Variants in MCCC1 observed in about 807,000 individuals in gnomAD.
MCCC1 encodes the protein methylcrotonoyl-CoA carboxylase subunit alpha, mitochondrial.
MCCC1 carries 64 observed loss-of-function variants against 83.8 expected under a neutral mutation model. That is an observed-to-expected ratio of 0.76 (90% CI 0.62 to 0.94). MCCC1 has a LOEUF of 0.94. Among genes scored for constraint, MCCC1 ranks in the 40% least tolerant of loss-of-function variants. The probability of loss-of-function intolerance (pLI) is 0.00; values close to 1 mark genes in which losing one functional copy is unlikely to be tolerated. For missense variants in MCCC1, 807 were observed against 904.7 expected, an observed-to-expected ratio of 0.89 and a Z score of 1.39; for synonymous variants, 322 against 315.4, an observed-to-expected ratio of 1.02 and a Z score of -0.22.
rs1711530120 is a variant in MCCC1, at chr3:183,015,266, G to C, written c.*172C>G. 4 of 708,616 alleles carry C rather than the reference G, an allele frequency of 5.6e-6. No homozygotes were observed. The African/African-American group carries it at 7.1e-5, about 13-fold the overall frequency. The allele number at this position is 708,616 out of a possible 1,614,324, so 43.9% of individuals were successfully genotyped here. A position where few individuals can be genotyped will look rare whatever the true frequency, so the allele number is the denominator to read the frequency against. The stretch of plus-strand genomic sequence containing the variant: ...CAACTTTATTAGTATGAAATATTTT[G>C]AGATAATTAGTGACCCAAATGCATG... On this transcript the variant is annotated 3_prime_UTR_variant, in exon 19 of 19. Coordinates refer to ENST00000265594, the MANE Select transcript of MCCC1 (RefSeq NM_020166.5).
intron 9 of MCCC1, among the ~76,000 whole-genome samples, chr3:183,050,429 G>A (rs977534570): frequency 6.6e-6 from 1 of 151,372 alleles, no homozygotes; most frequent in Non-Finnish European, 1.5e-5. Context: ...TCGGCCGGGC[G>A]CGGTGGCTCA....
At chr3:183,098,061 G>A (rs1044360032) in intron 1 of MCCC1, among the ~76,000 whole-genome samples, 5 of 152,150 alleles carry the variant, frequency 3.3e-5, no homozygotes, top group Admixed American at 1.3e-4. Flanking sequence ...ACTAACAGGC[G>A]GGACTATAGG....
intron 1 of MCCC1, among the ~76,000 whole-genome samples, chr3:183,097,882 C>T (rs1211852116): frequency 6.6e-6 from 1 of 152,098 alleles, no homozygotes; most frequent in Admixed American, 6.5e-5. Context: ...ACAAGAAGAA[C>T]ATTAACATTA....
intron 11 of MCCC1, among the ~76,000 whole-genome samples, chr3:183,039,752 T>C (rs904913805): frequency 6.6e-6 from 1 of 152,102 alleles, no homozygotes; most frequent in African/African-American, 2.4e-5. Context: ...GCAGGGTCTT[T>C]CCAGGATTTT....
chr3:183,058,585 C>T (rs1468731114), intron 7 of MCCC1, among the ~76,000 whole-genome samples: 4 of 152,104 alleles, frequency 2.6e-5, no homozygotes, highest in Non-Finnish European at 4.4e-5. Flanking sequence ...GCTACGATTG[C>T]GCCACTGCAT....
At chr3:183,103,169 T>C (rs1269648417), upstream of MCCC1, among the ~76,000 whole-genome samples, 1 of 151,862 alleles carries the variant, frequency 6.6e-6, no homozygotes, top group African/African-American at 2.4e-5. Context: ...GGAGTGAAGC[T>C]GCAGACCTTT....
chr3:183,086,277 C>T (rs1038647376), intron 4 of MCCC1, among the ~76,000 whole-genome samples: 4 of 152,190 alleles, frequency 2.6e-5, no homozygotes, highest in Non-Finnish European at 5.9e-5. Context: ...TTGCCTGAAT[C>T]GTCTTCCTTA....
At chr3:183,020,997 T>G (rs1176818693) in intron 16 of MCCC1, among the ~76,000 whole-genome samples, 1 of 151,504 alleles carries the variant, frequency 6.6e-6, no homozygotes, top group African/African-American at 2.4e-5. Flanking sequence ...GAGGCAGAGC[T>G]TGCAGTGAGC....
In MCCC1 at chr3:183,015,282, C is replaced by T; in HGVS notation, c.*156G>A. The T allele has an allele frequency of 7.7e-6, 6 of 781,318 alleles. No homozygotes were observed. Among genetic ancestry groups the T allele is most frequent in the Non-Finnish European group, 1.4e-5 (6 of 443,716 alleles). 48.4% of individuals were successfully genotyped at this position (781,318 alleles called of 1,614,324 possible). ...AAATATTTTGAGATAATTAGTGACCCAAATGCATGATTCTCCAATATGAAA... is the reference window on the plus strand; with the variant it reads ...AAATATTTTGAGATAATTAGTGACCTAAATGCATGATTCTCCAATATGAAA... On this transcript the variant is annotated 3_prime_UTR_variant, in exon 19 of 19. Coordinates refer to ENST00000265594, the MANE Select transcript of MCCC1 (RefSeq NM_020166.5).
intron 17 of MCCC1, 187 bp from the exon 18 acceptor site, chr3:183,017,524 AG>A (rs1170406096): frequency 1.7e-6 from 1 of 595,834 alleles, no homozygotes; most frequent in East Asian, 2.9e-5. Context: ...TGTGGTCCAC[AG>A]ATTTGGTATA....
upstream of MCCC1, among the ~76,000 whole-genome samples, chr3:183,099,930 A>G (rs1719052822): frequency 6.6e-6 from 1 of 152,246 alleles, no homozygotes; most frequent in Non-Finnish European, 1.5e-5. Flanking sequence ...CCTGAGCTTA[A>G]AACAGGTATT....
At chr3:183,018,516 A>G (rs11917378) in intron 17 of MCCC1, among the ~76,000 whole-genome samples, 99,878 of 109,060 alleles carry the variant, frequency 0.92, 45,734 homozygotes, top group East Asian at 1. Context: ...CAAATGCACT[A>G]GTCAAATGAG....
chr3:183,102,425 T>C (rs1719327257), upstream of MCCC1, among the ~76,000 whole-genome samples: 1 of 152,114 alleles, frequency 6.6e-6, no homozygotes, highest in South Asian at 2.1e-4. Flanking sequence ...TAACACACTG[T>C]AAATAAGCAA....
upstream of MCCC1, among the ~76,000 whole-genome samples, chr3:183,101,876 C>T (rs1691645145): frequency 6.6e-6 from 1 of 152,114 alleles, no homozygotes; most frequent in African/African-American, 2.4e-5. Flanking sequence ...GAACGAACAA[C>T]TCCGGACACG....
At chr3:183,080,593 C>T (rs1012040329) in intron 4 of MCCC1, among the ~76,000 whole-genome samples, 2 of 152,234 alleles carry the variant, frequency 1.3e-5, no homozygotes, top group Non-Finnish European at 2.9e-5. Context: ...TCTGAGCCCT[C>T]CAAACTGTTC....
At chr3:183,073,434 G>T (rs1442854727) in intron 4 of MCCC1, among the ~76,000 whole-genome samples, 1 of 152,032 alleles carries the variant, frequency 6.6e-6, no homozygotes, top group East Asian at 1.9e-4. Context: ...CATCTTTCCA[G>T]AAAAAAAGCT....
At chr3:183,049,592 G>T (rs1214031910) in intron 9 of MCCC1, among the ~76,000 whole-genome samples, 1 of 148,956 alleles carries the variant, frequency 6.7e-6, no homozygotes, top group Non-Finnish European at 1.5e-5. Context: ...AAAGAAAAAA[G>T]AAAAGAAACA....
chr3:183,079,285 T>G (rs1251231602), intron 4 of MCCC1, among the ~76,000 whole-genome samples: 2 of 152,168 alleles, frequency 1.3e-5, no homozygotes, highest in African/African-American at 4.8e-5. Flanking sequence ...CCTATAAGCC[T>G]GTAAAATCAA....
chr3:183,029,021 T>C (rs1712835233), intron 14 of MCCC1: 1 of 152,190 alleles, frequency 6.6e-6, no homozygotes, highest in South Asian at 2.1e-4. Context: ...GACATAATGT[T>C]ATTGGCACAC....
Sources: gnomAD v4.1 joint callset for allele counts (sites outside exome capture counted in the v4.1 genomes callset) on GRCh38, gnomAD v4.1.1 for gene constraint, MANE v1.5 for transcripts, NCBI Gene and HGNC (gene_info 2026-07-23, HGNC 2026-07-21) for gene names.